The following MEGF11 variants were observed in gnomAD, a reference collection of about 807,000 sequenced individuals.
The protein encoded by MEGF11 is multiple EGF like domains 11.
In MEGF11, 126 loss-of-function variants were observed where a neutral mutation model predicts 146.6. That is an observed-to-expected ratio of 0.86 (90% CI 0.74 to 1.00). The LOEUF is 1.00. Among genes scored for constraint, MEGF11 ranks in the 50% least tolerant of loss-of-function variants. The pLI, the probability that MEGF11 is intolerant of heterozygous loss-of-function variation, is 0.00. For synonymous variants in MEGF11, 532 were observed against 583.4 expected (o/e 0.91, Z 1.27); for missense variants, 1,509 against 1,521.2 (o/e 0.99, Z 0.13).
chr15:65,912,917 T>G (rs1259001271), intron 20 of MEGF11, among the ~76,000 whole-genome samples: 1 of 152,222 alleles, frequency 6.6e-6, no homozygotes, highest in East Asian at 1.9e-4. Flanking sequence ...AGATGAGCCA[T>G]GAGCCACGTG....
At chr15:66,172,667 T>C (rs2090293483) in intron 1 of MEGF11, among the ~76,000 whole-genome samples, 1 of 152,188 alleles carries the variant, frequency 6.6e-6, no homozygotes, top group African/African-American at 2.4e-5. Flanking sequence ...CACCACCCTG[T>C]GTTTCCCCCA....
chr15:66,232,190 A>G (rs1483560193), intron 1 of MEGF11, among the ~76,000 whole-genome samples: 1 of 152,220 alleles, frequency 6.6e-6, no homozygotes, highest in Non-Finnish European at 1.5e-5. Flanking sequence ...CAAGAGTCAA[A>G]GGTGGCCCTG....
intron 1 of MEGF11, among the ~76,000 whole-genome samples, chr15:66,159,450 T>C (rs1022787368): frequency 2.0e-5 from 3 of 152,178 alleles, no homozygotes; most frequent in Non-Finnish European, 2.9e-5. Flanking sequence ...TTAAGATGCT[T>C]GGAATCCAAC....
intron 1 of MEGF11, among the ~76,000 whole-genome samples, chr15:66,188,552 A>G (rs2090775909): frequency 6.6e-6 from 1 of 152,186 alleles, no homozygotes; most frequent in Admixed American, 6.5e-5. Context: ...GAAGCCCCAT[A>G]CTGGCTTGGT....
chr15:66,000,582 T>C (rs2082336625), intron 5 of MEGF11, among the ~76,000 whole-genome samples: 1 of 151,990 alleles, frequency 6.6e-6, no homozygotes, highest in African/African-American at 2.4e-5. Flanking sequence ...GTCTGTTTTG[T>C]TCCCCACTGT....
chr15:65,897,115 T>G lies in MEGF11; in HGVS notation c.*819A>C, dbSNP rs1044750825. 5.3e-5 allele frequency: 8 copies of G among 152,330 alleles called. No homozygotes were observed. The highest frequency in any genetic ancestry group is 3.4e-3 in the Middle Eastern group (1 of 294). 9.4% of individuals were successfully genotyped at this position (152,330 alleles called of 1,614,324 possible). ...TAAAGGATCATCTTAGAGCTCTGTT[T>G]TACATGGAATGATTCAGGTGTCGGA... On this transcript the variant is annotated 3_prime_UTR_variant, in exon 26 of 26. Coordinates refer to ENST00000395614, the MANE Select transcript of MEGF11 (RefSeq NM_001385028.1).
chr15:65,964,847 C>T, intron 9 of MEGF11, 61 bp downstream of exon 9: 3 of 1,453,840 alleles, frequency 2.1e-6, no homozygotes, highest in African/African-American at 2.8e-5. Context: ...TCCTAGCAAG[C>T]CTCCTCTCTA....
intron 1 of MEGF11, among the ~76,000 whole-genome samples, chr15:66,253,232 G>A (rs1302832643): frequency 6.6e-6 from 1 of 152,184 alleles, no homozygotes; most frequent in Non-Finnish European, 1.5e-5. Context: ...AGACTCAAGG[G>A]GGCGGACGGG....
In MEGF11 at chr15:65,897,890, A is replaced by G. The variant is rs771972773; in HGVS notation, c.*44T>C. The G allele has an allele frequency of 6.4e-7, 1 of 1,564,994 alleles. No individual in the cohort carries two copies. The highest frequency in any genetic ancestry group is 8.7e-7 in the Non-Finnish European group (1 of 1,149,970). On this transcript the variant is annotated 3_prime_UTR_variant, in exon 26 of 26. Coordinates refer to ENST00000395614, the MANE Select transcript of MEGF11 (RefSeq NM_001385028.1). ...CAAGGGACTGTCTTCTTTCAGAGTC[A>G]GAATATTCAGTAGAGCACACTGCAA...
At chr15:66,186,151 G>C (rs1010270756) in intron 1 of MEGF11, among the ~76,000 whole-genome samples, 2 of 152,172 alleles carry the variant, frequency 1.3e-5, no homozygotes, top group African/African-American at 4.8e-5. Context: ...TAATTTTCAG[G>C]CTTCTCTATC....
chr15:66,030,458 G>A (rs999970606), intron 5 of MEGF11, among the ~76,000 whole-genome samples: 2 of 152,162 alleles, frequency 1.3e-5, no homozygotes, highest in Non-Finnish European at 2.9e-5. Context: ...TTGCCAGGTT[G>A]CAGTGCAGTG....
chr15:66,172,811 C>A (rs570428577), intron 1 of MEGF11, among the ~76,000 whole-genome samples: 2 of 152,350 alleles, frequency 1.3e-5, no homozygotes, highest in African/African-American at 4.8e-5. Context: ...AATGAGGAAA[C>A]AGGCTCAGAC....
At chr15:66,110,605 A>C (rs1418302623) in intron 4 of MEGF11, among the ~76,000 whole-genome samples, 1 of 152,192 alleles carries the variant, frequency 6.6e-6, no homozygotes, top group Non-Finnish European at 1.5e-5. Context: ...AGGCATAGAT[A>C]TCTAATAATA....
chr15:66,146,625 C>T (rs566605545), intron 1 of MEGF11, among the ~76,000 whole-genome samples: 1 of 152,358 alleles, frequency 6.6e-6, no homozygotes, highest in African/African-American at 2.4e-5. Context: ...GGGGACCCCG[C>T]TGAGCACAGG....
intron 1 of MEGF11, among the ~76,000 whole-genome samples, chr15:66,148,085 G>A (rs1442803340): frequency 2.0e-5 from 3 of 152,112 alleles, no homozygotes; most frequent in African/African-American, 4.8e-5. Flanking sequence ...CTGTATTTAC[G>A]AAGCCAATAA....
Position 65,982,173 on chromosome 15 carries a change from C to T in MEGF11, c.641+69G>A. 1 of 1,472,490 alleles carries T rather than the reference C, an allele frequency of 6.8e-7. No homozygotes were observed. Among genetic ancestry groups the T allele is most frequent in the Non-Finnish European group, 9.0e-7 (1 of 1,108,034 alleles). The allele number at this position is 1,472,490 out of a possible 1,614,324, so 91.2% of individuals were successfully genotyped here. On this transcript the variant is annotated intron_variant, in intron 6 of 25. Coordinates refer to ENST00000395614, the MANE Select transcript of MEGF11 (RefSeq NM_001385028.1). The surrounding 1 kb of genome is among the most constrained non-coding windows in gnomAD (Gnocchi z 5.6). ...CAGCCCCTCCACCTCCTCTACCCTC[C>T]CCACCCAGGCACCCTCCAGGTCCCG...
intron 10 of MEGF11, among the ~76,000 whole-genome samples, chr15:65,935,943 G>A (rs1265790629): frequency 6.6e-6 from 1 of 152,128 alleles, no homozygotes; most frequent in East Asian, 1.9e-4. Context: ...AGCCAATCAC[G>A]AGCCTATCTC....
Position 66,127,835 on chromosome 15 carries a change from T to C in MEGF11, c.98+471A>G, listed in dbSNP as rs1269568659. ...CCTGCCCCCACCAGACTGGAAGTAG[T>C]GGGACCCCCTCACCCGTCCTCCTCA... On this transcript the variant is annotated intron_variant, in intron 2 of 25. Coordinates refer to ENST00000395614, the MANE Select transcript of MEGF11 (RefSeq NM_001385028.1). Among the ~76,000 whole-genome samples, 4 of 103,604 alleles carry C rather than the reference T, an allele frequency of 3.9e-5. No individual in the cohort carries two copies. In the South Asian group the frequency reaches 1.2e-3, roughly 30 times the overall value. The allele number at this position is 103,604 out of a possible 152,430, so 68.0% of individuals were successfully genotyped here.
intron 24 of MEGF11, chr15:65,901,865 A>ATCC (rs1429683068): frequency 6.6e-6 from 1 of 152,254 alleles, no homozygotes; most frequent in East Asian, 1.9e-4. Flanking sequence ...CTACTTTAGA[A>ATCC]TGAGGAATCT....
Sources: gnomAD v4.1 joint callset for allele counts (sites outside exome capture counted in the v4.1 genomes callset) on GRCh38, gnomAD v4.1.1 for gene constraint, Gnocchi (gnomAD v3.1) non-coding constraint, MANE v1.5 for transcripts, NCBI Gene and HGNC (gene_info 2026-07-23, HGNC 2026-07-21) for gene names.